Variants in IMMP1L observed in about 807,000 individuals in gnomAD.
IMMP1L encodes inner mitochondrial membrane peptidase subunit 1.
Under a neutral mutation model 21.8 loss-of-function variants are expected in IMMP1L, and 24 were observed. That is an observed-to-expected ratio of 1.10 (90% CI 0.80 to 1.55). IMMP1L has a LOEUF of 1.55. Among genes scored for constraint, IMMP1L ranks in the 40% most tolerant of loss-of-function variants. The probability of loss-of-function intolerance (pLI) is 0.00; values close to 1 mark genes in which losing one functional copy is unlikely to be tolerated. For synonymous variants in IMMP1L, 46 were observed against 62.8 expected, an observed-to-expected ratio of 0.73 and a Z score of 1.26; for missense variants, 195 against 200.7, an observed-to-expected ratio of 0.97 and a Z score of 0.17.
intron 1 of IMMP1L, among the ~76,000 whole-genome samples, chr11:31,463,588 G>A (rs1179997398): frequency 1.3e-5 from 2 of 151,930 alleles, no homozygotes; most frequent in Non-Finnish European, 2.9e-5. Flanking sequence ...TCCATGTCTT[G>A]GTTGTTTCTT....
intron 4 of IMMP1L, among the ~76,000 whole-genome samples, chr11:31,438,798 G>A (rs936921865): frequency 1.3e-5 from 2 of 151,940 alleles, no homozygotes; most frequent in Non-Finnish European, 2.9e-5. Flanking sequence ...TATTCTTGAA[G>A]TTGTTACTCC....
Position 31,433,449 on chromosome 11 carries a change from G to T in IMMP1L, c.432+11C>A, listed in dbSNP as rs1252193674. On this transcript the variant is annotated intron_variant, in intron 5 of 5. Transcript: ENST00000532287. ...GAAAATAAACCTTACATTTTAAGCA[G>T]AAAATGGTACCTTAAAGAAGATTCG... 6.9e-7 allele frequency: 1 copy of T among 1,457,676 alleles called. No individual in the cohort carries two copies. Among genetic ancestry groups the T allele is most frequent in the Admixed American group, 2.0e-5 (1 of 51,114 alleles). The allele number at this position is 1,457,676 out of a possible 1,614,324, so 90.3% of individuals were successfully genotyped here.
At chr11:31,460,826 G>C in intron 2 of IMMP1L, 112 bp from the exon 3 acceptor site, 1 of 773,898 alleles carries the variant, frequency 1.3e-6, no homozygotes, top group Non-Finnish European at 2.1e-6. Flanking sequence ...CTAAAGCTTG[G>C]GGGATGATTC....
At chr11:31,448,513 G>C (rs1003488152) in intron 4 of IMMP1L, among the ~76,000 whole-genome samples, 3 of 152,066 alleles carry the variant, frequency 2.0e-5, no homozygotes, top group Non-Finnish European at 2.9e-5. Context: ...ATAACTTGCA[G>C]ATAAAAATAC....
At chr11:31,466,536 A>C (rs528924813) in intron 1 of IMMP1L, among the ~76,000 whole-genome samples, 1 of 152,188 alleles carries the variant, frequency 6.6e-6, no homozygotes, top group South Asian at 2.1e-4. Context: ...GAATGGATAA[A>C]GAAAACATGC....
chr11:31,505,396 G>T (rs1488537718), intron 1 of IMMP1L, among the ~76,000 whole-genome samples: 1 of 152,224 alleles, frequency 6.6e-6, no homozygotes, highest in East Asian at 1.9e-4. Flanking sequence ...ACTTGATGGA[G>T]ATGAATGCTT....
chr11:31,469,446 A>G (rs983935315), intron 1 of IMMP1L, among the ~76,000 whole-genome samples: 5 of 152,194 alleles, frequency 3.3e-5, no homozygotes, highest in African/African-American at 1.2e-4. Flanking sequence ...ATACTACAAA[A>G]TAAAATATAA....
intron 4 of IMMP1L, among the ~76,000 whole-genome samples, chr11:31,440,072 T>G (rs1197086118): frequency 6.6e-6 from 1 of 152,182 alleles, no homozygotes; most frequent in Admixed American, 6.5e-5. Flanking sequence ...GTAGTCGGAT[T>G]TATAAATCCC....
intron 1 of IMMP1L, among the ~76,000 whole-genome samples, chr11:31,485,581 G>A (rs1292655501): frequency 6.6e-6 from 1 of 151,848 alleles, no homozygotes; most frequent in African/African-American, 2.4e-5. Flanking sequence ...CTTATAGTCA[G>A]CAGATGTGAC....
intron 1 of IMMP1L, among the ~76,000 whole-genome samples, chr11:31,497,989 G>T (rs1955507909): frequency 6.6e-6 from 1 of 152,142 alleles, no homozygotes; most frequent in South Asian, 2.1e-4. Context: ...CTGGGCTACT[G>T]ATAAGTAGTA....
At chr11:31,434,580 T>C (rs1379561787) in intron 4 of IMMP1L, among the ~76,000 whole-genome samples, 1 of 152,144 alleles carries the variant, frequency 6.6e-6, no homozygotes, top group Admixed American at 6.5e-5. Flanking sequence ...ACTACTGGGT[T>C]TAATAAGAGA....
At chr11:31,452,718 C>A in intron 4 of IMMP1L, 1 of 1,018,292 alleles carries the variant, frequency 9.8e-7, no homozygotes, top group Non-Finnish European at 1.2e-6. Context: ...GCTTCAGTAC[C>A]TTCAAAATAA....
intron 1 of IMMP1L, among the ~76,000 whole-genome samples, chr11:31,486,296 C>G (rs1955073822): frequency 6.6e-6 from 1 of 151,834 alleles, no homozygotes; most frequent in African/African-American, 2.4e-5. Flanking sequence ...TGGCCTTGTT[C>G]AAGTGACTCA....
chr11:31,465,810 CTT>C (rs1287565972), intron 1 of IMMP1L, among the ~76,000 whole-genome samples: 2 of 151,876 alleles, frequency 1.3e-5, no homozygotes, highest in Admixed American at 1.3e-4. Context: ...AAATTACAGA[CTT>C]ATAAATAAGA....
At chr11:31,446,937 T>G (rs1319414528) in intron 4 of IMMP1L, among the ~76,000 whole-genome samples, 1 of 152,146 alleles carries the variant, frequency 6.6e-6, no homozygotes, top group Non-Finnish European at 1.5e-5. Flanking sequence ...ATTTTAAAAT[T>G]ACATAAAATT....
At position 31,443,583 on chromosome 11, in the gene IMMP1L, C is replaced by A. The variant is rs1216949510; in HGVS notation, c.322-10013G>T. Among the ~76,000 whole-genome samples the A allele has an allele frequency of 1.3e-5, 2 of 152,070 alleles. 1 individual carries two copies. The highest frequency in any genetic ancestry group is 2.9e-5 in the Non-Finnish European group (2 of 68,010). On this transcript the variant is annotated intron_variant, in intron 4 of 5. Transcript: ENST00000532287. ...ATTAAGGCCGAGGAGTATCTGGAGT[C>A]CTGATAGAAGTGTTTCCAAATGCTA...
intron 1 of IMMP1L, among the ~76,000 whole-genome samples, chr11:31,472,673 ATAAT>A (rs1954599692): frequency 6.6e-6 from 1 of 152,188 alleles, no homozygotes. Context: ...ATTCTTTCAA[ATAAT>A]TAATAGAAAA....
chr11:31,460,573 A>G, intron 3 of IMMP1L, 53 bp downstream of exon 3: 1 of 1,082,658 alleles, frequency 9.2e-7, no homozygotes, highest in African/African-American at 1.6e-5. Flanking sequence ...AAAAGCCACA[A>G]TGTGTGTGTG....
rs1421312680 is a variant in IMMP1L, at chr11:31,432,587, G to C, written c.433-19C>G. ...GCCAAATCTGTAAAATCAAAATGAGGTTGAAGACAATTAGTGAAAGTAATG... is the reference window on the plus strand; with the variant it reads ...GCCAAATCTGTAAAATCAAAATGAGCTTGAAGACAATTAGTGAAAGTAATG... On this transcript the variant is annotated intron_variant, in intron 5 of 5. Coordinates refer to ENST00000532287, the MANE Select transcript of IMMP1L (RefSeq NM_001304274.2). 6.4e-7 allele frequency: 1 copy of C among 1,568,292 alleles called. No individual in the cohort carries two copies. Among genetic ancestry groups the C allele is most frequent in the African/African-American group, 1.4e-5 (1 of 73,906 alleles).
Sources: allele counts gnomAD v4.1 joint callset (sites outside exome capture counted in the v4.1 genomes callset), GRCh38; gene constraint gnomAD v4.1.1; transcripts MANE v1.5; gene names NCBI Gene and HGNC (gene_info 2026-07-23, HGNC 2026-07-21).